NRXN3: variants seen among roughly 807,000 people sequenced by gnomAD.
NRXN3 encodes the protein neurexin 3.
A neutral mutation model predicts 137.6 loss-of-function variants in NRXN3; 32 were observed. The observed-to-expected ratio is 0.23, with a 90% CI of 0.18 to 0.31. The LOEUF (loss-of-function observed/expected upper bound fraction) is 0.31, where lower values mean the gene tolerates loss of function less well. Among genes scored for constraint, NRXN3 ranks in the 10% least tolerant of loss-of-function variants. The pLI is 1.00. For missense variants in NRXN3, 1,574 were observed against 2,062.5 expected (o/e 0.76, Z 4.59); for synonymous variants, 798 against 784.5 (o/e 1.02, Z -0.29).
chr14:79,509,831 A>G (rs1022104314), intron 16 of NRXN3, among the ~76,000 whole-genome samples: 1 of 152,204 alleles, frequency 6.6e-6, no homozygotes, highest in African/African-American at 2.4e-5. Flanking sequence ...AATCAAAGTT[A>G]GGACACATAT....
intron 10 of NRXN3, among the ~76,000 whole-genome samples, chr14:78,900,704 T>G (rs959262903): frequency 1.3e-5 from 2 of 151,894 alleles, no homozygotes; most frequent in African/African-American, 2.4e-5. Context: ...GAACTAAAAA[T>G]AAAAATACCA....
intron 15 of NRXN3, among the ~76,000 whole-genome samples, chr14:79,193,024 C>T (rs1200177835): frequency 2.6e-5 from 4 of 151,984 alleles, no homozygotes; most frequent in African/African-American, 9.7e-5. Context: ...CTGCCTCGGC[C>T]TCCCAAAGTG....
intron 15 of NRXN3, chr14:79,280,813 CTT>C: frequency 2.4e-6 from 1 of 419,200 alleles, no homozygotes; most frequent in Non-Finnish European, 4.4e-6. Flanking sequence ...CACACTCTCT[CTT>C]TTGCAACCTT....
chr14:79,198,710 T>C (rs1404657389), intron 15 of NRXN3, among the ~76,000 whole-genome samples: 2 of 152,218 alleles, frequency 1.3e-5, no homozygotes, highest in African/African-American at 2.4e-5. Flanking sequence ...ACTTTCTTCA[T>C]TGTAGCAGTG....
intron 4 of NRXN3, among the ~76,000 whole-genome samples, chr14:78,334,153 A>G (rs1396353022): frequency 6.6e-6 from 1 of 152,156 alleles, no homozygotes; most frequent in African/African-American, 2.4e-5. Context: ...AGTCTAGCTT[A>G]GTCATATTAT....
intron 8 of NRXN3, among the ~76,000 whole-genome samples, chr14:78,761,859 G>T (rs1171735827): frequency 6.6e-6 from 1 of 152,108 alleles, no homozygotes; most frequent in Non-Finnish European, 1.5e-5. Context: ...TAAGCCCTGG[G>T]AGAAAGATGA....
chr14:79,152,737 C>G (rs549963586), intron 15 of NRXN3, among the ~76,000 whole-genome samples: 2 of 152,034 alleles, frequency 1.3e-5, no homozygotes, highest in South Asian at 4.1e-4. Context: ...GTTATCTCAC[C>G]CTGACCCCAC....
At chr14:79,523,647 G>GA (rs1277513575) in intron 16 of NRXN3, among the ~76,000 whole-genome samples, 4 of 151,778 alleles carry the variant, frequency 2.6e-5, no homozygotes, top group African/African-American at 4.8e-5. Flanking sequence ...AAAATGGAAG[G>GA]AAAAAAAAGG....
intron 10 of NRXN3, among the ~76,000 whole-genome samples, chr14:78,863,364 T>G (rs1365008814): frequency 1.3e-5 from 2 of 152,138 alleles, no homozygotes; most frequent in Non-Finnish European, 2.9e-5. Context: ...CTGAACGTGC[T>G]CTGCAACTCA....
intron 4 of NRXN3, among the ~76,000 whole-genome samples, chr14:78,560,278 C>T (rs2096774651): frequency 1.3e-5 from 2 of 152,152 alleles, no homozygotes; most frequent in Middle Eastern, 3.4e-3. Flanking sequence ...TGGATTTTTC[C>T]CCCTAAATTG....
chr14:79,670,438 G>A (rs988244365), intron 17 of NRXN3, among the ~76,000 whole-genome samples: 6 of 152,016 alleles, frequency 3.9e-5, no homozygotes, highest in Middle Eastern at 3.2e-3. Flanking sequence ...ACCTTGAGAA[G>A]GTTCCCGCTG....
At chr14:79,078,801 C>T (rs936827244) in intron 15 of NRXN3, among the ~76,000 whole-genome samples, 4 of 152,066 alleles carry the variant, frequency 2.6e-5, no homozygotes, top group East Asian at 1.9e-4. Context: ...CACTGCTGCA[C>T]GTTAGGTAAA....
intron 4 of NRXN3, among the ~76,000 whole-genome samples, chr14:78,333,407 T>G (rs1461614204): frequency 6.6e-6 from 1 of 152,144 alleles, no homozygotes; most frequent in South Asian, 2.1e-4. Context: ...GAGAATAAGA[T>G]GAACAAAAAT....
intron 1 of NRXN3, among the ~76,000 whole-genome samples, chr14:78,172,218 A>G (rs934767823): frequency 6.6e-6 from 1 of 152,160 alleles, no homozygotes; most frequent in Non-Finnish European, 1.5e-5. Context: ...TTGAACTCCC[A>G]GCACGCTGCG....
intron 2 of NRXN3, among the ~76,000 whole-genome samples, chr14:78,271,155 A>G (rs1274047341): frequency 6.6e-6 from 1 of 152,206 alleles, no homozygotes; most frequent in African/African-American, 2.4e-5. Flanking sequence ...GTACTTACGT[A>G]CTTCTTAGTG....
At chr14:79,773,149 G>A (rs2099084655) in intron 19 of NRXN3, among the ~76,000 whole-genome samples, 1 of 152,170 alleles carries the variant, frequency 6.6e-6, no homozygotes, top group African/African-American at 2.4e-5. Context: ...AGAAGATGTG[G>A]AGAAATAGGA....
chr14:78,384,292 G>A (rs1177718640), intron 4 of NRXN3, among the ~76,000 whole-genome samples: 1 of 152,002 alleles, frequency 6.6e-6, no homozygotes, highest in East Asian at 1.9e-4. Flanking sequence ...GGCTGCTTGA[G>A]CTTGGGAAAG....
intron 15 of NRXN3, among the ~76,000 whole-genome samples, chr14:79,371,600 G>C (rs1353204616): frequency 6.6e-6 from 1 of 151,970 alleles, no homozygotes; most frequent in African/African-American, 2.4e-5. Context: ...CCATTCACAT[G>C]GTTTTATCAG....
chr14:78,240,150 C>G (rs1391937319), intron 1 of NRXN3, among the ~76,000 whole-genome samples: 1 of 152,212 alleles, frequency 6.6e-6, no homozygotes, highest in Non-Finnish European at 1.5e-5. Context: ...GCAGTTGGCT[C>G]TCACAAGCCT....
Sources: gnomAD v4.1 joint callset for allele counts (sites outside exome capture counted in the v4.1 genomes callset) on GRCh38, gnomAD v4.1.1 for gene constraint, MANE v1.5 for transcripts, NCBI Gene and HGNC (gene_info 2026-07-23, HGNC 2026-07-21) for gene names.